The following NDUFAF6 variants were observed in gnomAD, a reference collection of about 807,000 sequenced individuals.
NDUFAF6 encodes NADH:ubiquinone oxidoreductase complex assembly factor 6.
A neutral mutation model predicts 40.8 loss-of-function variants in NDUFAF6; 45 were observed. The ratio of observed to expected loss-of-function variants is 1.10; its 90% CI spans 0.87 to 1.42. The LOEUF (loss-of-function observed/expected upper bound fraction) is 1.42, where lower values mean the gene tolerates loss of function less well. Ranked by LOEUF, NDUFAF6 falls within the 40% of genes most tolerant of loss-of-function variation. NDUFAF6 has a pLI of 0.00. For missense variants in NDUFAF6, 435 were observed against 418.5 expected (o/e 1.04, Z -0.34); for synonymous variants, 185 against 155.9 (o/e 1.19, Z -1.39).
intron 2 of NDUFAF6, among the ~76,000 whole-genome samples, chr8:94,994,376 C>A (rs1163605900): frequency 1.3e-5 from 2 of 151,876 alleles, no homozygotes; most frequent in Admixed American, 6.6e-5. Context: ...CATGGTGAAA[C>A]CCCATCTCTA....
intron 1 of NDUFAF6, among the ~76,000 whole-genome samples, chr8:94,959,918 G>A (rs1194367937): frequency 6.6e-6 from 1 of 152,166 alleles, no homozygotes; most frequent in African/African-American, 2.4e-5. Context: ...CTTTTCATGT[G>A]CAGATTATAT....
At chr8:95,100,799 T>C (rs1160946197) in intron 1 of NDUFAF6, among the ~76,000 whole-genome samples, 1 of 152,246 alleles carries the variant, frequency 6.6e-6, no homozygotes, top group African/African-American at 2.4e-5. Flanking sequence ...TCACATACTC[T>C]GTAAAGTAGG....
intron 1 of NDUFAF6, among the ~76,000 whole-genome samples, chr8:94,901,075 G>A (rs1377556038): frequency 1.3e-5 from 2 of 152,162 alleles, no homozygotes; most frequent in Non-Finnish European, 2.9e-5. Flanking sequence ...AAGGCCTCCT[G>A]ATGAGACATT....
At chr8:94,996,677 A>G (rs1826444845) in intron 2 of NDUFAF6, among the ~76,000 whole-genome samples, 1 of 152,158 alleles carries the variant, frequency 6.6e-6, no homozygotes, top group South Asian at 2.1e-4. Context: ...CCCAATTCAT[A>G]AGTCGAAGTC....
intron 1 of NDUFAF6, among the ~76,000 whole-genome samples, chr8:94,905,368 C>T (rs2131193052): frequency 6.6e-6 from 1 of 150,854 alleles, no homozygotes; most frequent in African/African-American, 2.4e-5. Flanking sequence ...TTTTCTGAGG[C>T]AACAGTTAGC....
At chr8:95,107,842 T>G (rs1809885920), downstream of NDUFAF6, among the ~76,000 whole-genome samples, 1 of 152,166 alleles carries the variant, frequency 6.6e-6, no homozygotes, top group Non-Finnish European at 1.5e-5. Context: ...TATAACTGAA[T>G]GACCTGGAGT....
intron 3 of NDUFAF6, among the ~76,000 whole-genome samples, chr8:95,039,753 A>G (rs1484435801): frequency 6.6e-6 from 1 of 151,576 alleles, no homozygotes; most frequent in African/African-American, 2.4e-5. Context: ...CCTTCTGAGT[A>G]GCTGGAACTA....
intron 9 of NDUFAF6, among the ~76,000 whole-genome samples, chr8:95,066,072 G>A (rs1037370742): frequency 5.3e-5 from 8 of 152,126 alleles, no homozygotes; most frequent in African/African-American, 1.9e-4. Flanking sequence ...GCCATTCTGA[G>A]CATATATCTG....
upstream of NDUFAF6, among the ~76,000 whole-genome samples, chr8:95,023,531 A>G (rs1288849666): frequency 6.6e-6 from 1 of 152,186 alleles, no homozygotes; most frequent in Non-Finnish European, 1.5e-5. Context: ...GGGAAACGCC[A>G]TGATCAGATG....
At position 95,057,651 on chromosome 8, in the gene NDUFAF6, CTTT is replaced by C. The variant is rs33991874; in HGVS notation, c.874-155_874-153del. Among the ~76,000 whole-genome samples the C allele has an allele frequency of 7.1e-3, 1,075 of 152,124 alleles. 14 individuals carry two copies. The highest frequency in any genetic ancestry group is 0.024 in the African/African-American group (1,003 of 41,496). On this transcript the variant is annotated intron_variant, in intron 8 of 8. Coordinates refer to ENST00000396124, the MANE Select transcript of NDUFAF6 (RefSeq NM_152416.4). Reference sequence around the variant, plus strand: ...GGTCTAATAGAAACTTCTTGGATGTCTTTTTCTTTCTCTCTTTTAAAATTCTCA... The same window carrying C: ...GGTCTAATAGAAACTTCTTGGATGTCTTCTTTCTCTCTTTTAAAATTCTCA...
intron 2 of NDUFAF6, among the ~76,000 whole-genome samples, chr8:95,083,654 G>A (rs1353182883): frequency 3.3e-5 from 5 of 152,194 alleles, no homozygotes; most frequent in Non-Finnish European, 5.9e-5. Context: ...ACCTTATGAT[G>A]CAGTAAATAT....
rs138880474 is a variant in NDUFAF6, at chr8:95,066,508, C to G, written c.*512-9125C>G. 8.5e-5 allele frequency among the ~76,000 whole-genome samples: 13 copies of G among 152,182 alleles called. No individual in the cohort carries two copies. The East Asian group carries it at 2.5e-3, about 29-fold the overall frequency. On this transcript the variant is annotated intron_variant and NMD_transcript_variant, in intron 9 of 9. Coordinates refer to the NDUFAF6 transcript ENST00000520757. ...ATAAAAACTCTGAAGTGGGTAGTCA[C>G]TCTTCACTTGATCATTTTCATAAAT...
chr8:95,075,475 G>A (rs950063868), intron 9 of NDUFAF6, among the ~76,000 whole-genome samples: 6 of 152,244 alleles, frequency 3.9e-5, no homozygotes, highest in African/African-American at 1.2e-4. Context: ...CCCCCAAACA[G>A]ACATTTATTA....
chr8:95,101,639 C>T (rs932018957), intron 2 of NDUFAF6, among the ~76,000 whole-genome samples: 4 of 152,240 alleles, frequency 2.6e-5, no homozygotes, highest in African/African-American at 7.2e-5. Flanking sequence ...ATTCTGCTTT[C>T]ACGTGATGGA....
At chr8:95,025,893 C>G (rs1828057283) in intron 1 of NDUFAF6, among the ~76,000 whole-genome samples, 1 of 152,196 alleles carries the variant, frequency 6.6e-6, no homozygotes, top group Non-Finnish European at 1.5e-5. Flanking sequence ...TTGGATCAAT[C>G]AGGTCACCTG....
chr8:94,926,348 C>T (rs558850496), intron 1 of NDUFAF6: 15 of 152,074 alleles, frequency 9.9e-5, no homozygotes, highest in African/African-American at 3.4e-4. Flanking sequence ...TTCAGTCTCC[C>T]TAACTCATGC....
At chr8:95,103,432 A>C (rs1285174296) in exon 3 of NDUFAF6, 1 of 152,224 alleles carries the variant, frequency 6.6e-6, no homozygotes, top group Non-Finnish European at 1.5e-5. Flanking sequence ...TGGATAAATA[A>C]ATGCCACACC....
intron 2 of NDUFAF6, among the ~76,000 whole-genome samples, chr8:95,000,509 T>C (rs1563780953): frequency 6.6e-6 from 1 of 152,024 alleles, no homozygotes; most frequent in Non-Finnish European, 1.5e-5. Context: ...TAATTAAAAA[T>C]GCATATTCTA....
chr8:94,924,619 A>G (rs1236368230), intron 1 of NDUFAF6, among the ~76,000 whole-genome samples: 1 of 152,194 alleles, frequency 6.6e-6, no homozygotes, highest in African/African-American at 2.4e-5. Context: ...TCTAGACTCC[A>G]TACAGTCACT....
Sources: allele counts gnomAD v4.1 joint callset (sites outside exome capture counted in the v4.1 genomes callset), GRCh38; gene constraint gnomAD v4.1.1; transcripts MANE v1.5; gene names NCBI Gene and HGNC (gene_info 2026-07-23, HGNC 2026-07-21).